LRP11: variants seen among roughly 807,000 people sequenced by gnomAD.
LRP11 encodes the protein low-density lipoprotein receptor-related protein 11.
A neutral mutation model predicts 43.1 loss-of-function variants in LRP11; 25 were observed. The observed-to-expected ratio is 0.58, with a 90% confidence interval of 0.42 to 0.81. The LOEUF is 0.81. Ranked by LOEUF, LRP11 falls within the 30% of genes least tolerant of loss-of-function variation. The pLI, the probability that LRP11 is intolerant of heterozygous loss-of-function variation, is 0.00. For missense variants in LRP11, 623 were observed against 665.1 expected, an observed-to-expected ratio of 0.94 and a Z score of 0.70; for synonymous variants, 316 against 299.4, an observed-to-expected ratio of 1.06 and a Z score of -0.57.
In LRP11 at chr6:149,836,230, C is replaced by G. The variant is rs73610594; in HGVS notation, c.1107G>C (p.Pro369=). The G allele has an allele frequency of 6.2e-7, 1 of 1,614,174 alleles. No individual in the cohort carries two copies. Among genetic ancestry groups the G allele is most frequent in the Non-Finnish European group, 8.5e-7 (1 of 1,180,038 alleles). The change falls in exon 5 of 7, where the codon CCG becomes CCC. Residue 369 remains proline (P), a synonymous_variant. Coordinates refer to ENST00000239367, the MANE Select transcript of LRP11 (RefSeq NM_032832.6). The part of the protein sequence containing the change: ...ASPALPRTTG[P]SEDAGGDSLV... The stretch of plus-strand genomic sequence containing the variant: ...AGGAGTCACCCCCTGCATCTTCACT[C>G]GGCCCTGTGGTTCTTGGCAGGGCAG...
At chr6:149,842,842 T>C in intron 3 of LRP11, 141 bp downstream of exon 3, 2 of 1,224,916 alleles carry the variant, frequency 1.6e-6, no homozygotes, top group Non-Finnish European at 2.3e-6. Context: ...TGTTATTGTG[T>C]TTTTAGCAAA....
chr6:149,822,434 G>T (rs181014364), intron 6 of LRP11, among the ~76,000 whole-genome samples: 1 of 152,128 alleles, frequency 6.6e-6, no homozygotes, highest in African/African-American at 2.4e-5. Flanking sequence ...CTTGAGTCTG[G>T]GAGGTAGAGG....
chr6:149,854,550 C>T (rs1776770217), intron 1 of LRP11, among the ~76,000 whole-genome samples: 1 of 152,200 alleles, frequency 6.6e-6, no homozygotes, highest in Admixed American at 6.5e-5. Flanking sequence ...AGCATAGTTA[C>T]CAAAATTTTA....
chr6:149,835,986 G>C, intron 5 of LRP11, 99 bp downstream of exon 5: 1 of 1,106,726 alleles, frequency 9.0e-7, no homozygotes, highest in Non-Finnish European at 1.3e-6. Context: ...CTTATTTCAA[G>C]ATACTTCCTT....
chr6:149,851,506 CTTTCTTTCTTTT>C (rs1776718934), intron 2 of LRP11, among the ~76,000 whole-genome samples: 1 of 152,118 alleles, frequency 6.6e-6, no homozygotes, highest in South Asian at 2.1e-4. Context: ...TTCTTTCTTT[CTTTCTTTCTTTT>C]TTTCAAAGAC....
chr6:149,821,931 C>G (rs1029489060), intron 6 of LRP11, among the ~76,000 whole-genome samples: 5 of 152,188 alleles, frequency 3.3e-5, no homozygotes, highest in Non-Finnish European at 5.9e-5. Flanking sequence ...TACCACCCCC[C>G]TCAAGATAAG....
At position 149,863,769 on chromosome 6, in the gene LRP11, G is replaced by A. The variant is rs1195817335; in HGVS notation, c.252C>T (p.Gly84=). ...ELELELRAGG[G]PQEDCPGPGS... is the part of the protein sequence containing the mutation. ...CCGGGCCCGGGCAGTCCTCCTGGGG[G>A]CCGCCGCCCGCGCGCAGCTCCAGCT... The change falls in exon 1 of 7, where the codon GGC becomes GGT. Residue 84 remains glycine, a synonymous_variant. Coordinates refer to ENST00000239367, the MANE Select transcript of LRP11 (RefSeq NM_032832.6). The A allele has an allele frequency of 6.8e-7, 1 of 1,477,864 alleles. No homozygotes were observed. Among genetic ancestry groups the A allele is most frequent in the South Asian group, 1.3e-5 (1 of 78,300 alleles). 91.5% of individuals were successfully genotyped at this position (1,477,864 alleles called of 1,614,324 possible).
intron 5 of LRP11, among the ~76,000 whole-genome samples, chr6:149,828,764 G>A (rs146047637): frequency 0.015 from 2,346 of 152,096 alleles, 74 homozygotes; most frequent in African/African-American, 0.053. Flanking sequence ...TGCTGGAATT[G>A]CAGGTGTGAG....
chr6:149,836,060 T>A (rs757974409), intron 5 of LRP11, 25 bp downstream of exon 5: 2 of 1,603,864 alleles, frequency 1.2e-6, no homozygotes, highest in East Asian at 2.2e-5. Context: ...AGGTTCTTCA[T>A]TGAGAACCCA....
intron 3 of LRP11, among the ~76,000 whole-genome samples, chr6:149,839,931 A>C (rs1776522625): frequency 6.6e-6 from 1 of 152,228 alleles, no homozygotes; most frequent in South Asian, 2.1e-4. Flanking sequence ...CAAAAATATA[A>C]ACTCTGCTGT....
intron 5 of LRP11, among the ~76,000 whole-genome samples, chr6:149,828,248 T>C (rs1160418436): frequency 6.6e-6 from 1 of 152,044 alleles, no homozygotes; most frequent in Non-Finnish European, 1.5e-5. Flanking sequence ...ATACTAGAAG[T>C]ACTGTAAACA....
intron 1 of LRP11, among the ~76,000 whole-genome samples, chr6:149,861,419 C>T (rs1023033197): frequency 6.6e-6 from 1 of 152,288 alleles, no homozygotes; most frequent in Admixed American, 6.5e-5. Flanking sequence ...CAAACATCTA[C>T]AAAACAATTC....
At position 149,829,643 on chromosome 6, in the gene LRP11, A is replaced by G. The variant is rs2115376899; in HGVS notation, c.1253-3284T>C. Among the ~76,000 whole-genome samples, 3 of 152,228 alleles carry G rather than the reference A, an allele frequency of 2.0e-5. No homozygotes were observed. In the South Asian group the frequency reaches 6.2e-4, roughly 32 times the overall value. The stretch of plus-strand genomic sequence containing the variant: ...GAATAAAAACAAAGTGCCAAAATTC[A>G]CCAACTCCCGATTTTTTTCAGAGGA... On this transcript the variant is annotated intron_variant, in intron 5 of 6. Coordinates refer to ENST00000239367, the MANE Select transcript of LRP11 (RefSeq NM_032832.6).
chr6:149,852,698 G>C (rs922179384), intron 2 of LRP11: 1 of 259,998 alleles, frequency 3.8e-6, no homozygotes, highest in African/African-American at 2.2e-5. Context: ...CTTTAAAAAA[G>C]TAATCTGAGT....
intron 1 of LRP11, among the ~76,000 whole-genome samples, chr6:149,862,030 G>C (rs1044317197): frequency 6.6e-6 from 1 of 152,192 alleles, no homozygotes; most frequent in Non-Finnish European, 1.5e-5. Context: ...GGATGTGTGT[G>C]CAACAGCCGT....
rs528614831 is a variant in LRP11 at position 149,827,911 on chromosome 6, G to A, written c.1253-1552C>T. On this transcript the variant is annotated intron_variant, in intron 5 of 6. Coordinates refer to ENST00000239367, the MANE Select transcript of LRP11 (RefSeq NM_032832.6). The surrounding 1 kb of genome is among the most constrained non-coding windows in gnomAD (Gnocchi z 4.2). ...ATGGTGGGCGCCTGTAGTCCCAGCT[G>A]CTGGGGAGGCTGAGGCAGGAGAATG... Among the ~76,000 whole-genome samples the A allele has an allele frequency of 3.8e-4, 57 of 150,712 alleles. No homozygotes were observed. The East Asian group carries it at 0.011, about 29-fold the overall frequency.
intron 6 of LRP11, 44 bp from the exon 7 acceptor site, chr6:149,820,747 C>A: frequency 1.3e-6 from 1 of 775,618 alleles, no homozygotes; most frequent in South Asian, 1.4e-5. Flanking sequence ...AGTGATTAGT[C>A]ACAGTGACAG....
At position 149,836,076 on chromosome 6, in the gene LRP11, A is replaced by C; in HGVS notation, c.1252+9T>G. ...GGTTCTTCATTGAGAACCCACCGTGAATCCTTACCTGGCATCACAGGAATG... is the reference window on the plus strand; with the variant it reads ...GGTTCTTCATTGAGAACCCACCGTGCATCCTTACCTGGCATCACAGGAATG... On this transcript the variant is annotated intron_variant, in intron 5 of 6. Coordinates refer to ENST00000239367, the MANE Select transcript of LRP11 (RefSeq NM_032832.6). 1 of 1,612,788 alleles carries C rather than the reference A, an allele frequency of 6.2e-7. No individual in the cohort carries two copies. The highest frequency in any genetic ancestry group is 1.1e-5 in the South Asian group (1 of 91,024).
intron 6 of LRP11, among the ~76,000 whole-genome samples, chr6:149,825,582 T>TA (rs1301473717): frequency 6.6e-6 from 1 of 152,156 alleles, no homozygotes; most frequent in African/African-American, 2.4e-5. Context: ...ATCCTCATCT[T>TA]ACGAATGAGG....
Sources: allele counts gnomAD v4.1 joint callset (sites outside exome capture counted in the v4.1 genomes callset), GRCh38; gene constraint gnomAD v4.1.1; non-coding constraint Gnocchi (gnomAD v3.1); transcripts MANE v1.5; gene names NCBI Gene and HGNC (gene_info 2026-07-23, HGNC 2026-07-21).